Variants in LMOD2 observed in about 807,000 individuals in gnomAD.
LMOD2 encodes the protein leiomodin-2.
Under a neutral mutation model 41.7 loss-of-function variants are expected in LMOD2, and 27 were observed. The ratio of observed to expected loss-of-function variants is 0.65; its 90% CI spans 0.48 to 0.89. LMOD2 has a LOEUF of 0.89. LMOD2 is among the 40% of genes least tolerant of loss of function. The pLI is 0.00. For missense variants in LMOD2, 624 were observed against 667.9 expected (o/e 0.93, Z 0.72); for synonymous variants, 251 against 244.6 (o/e 1.03, Z -0.25).
At chr7:123,656,895 G>A (rs1177102472) in intron 1 of LMOD2, among the ~76,000 whole-genome samples, 1 of 152,142 alleles carries the variant, frequency 6.6e-6, no homozygotes, top group African/African-American at 2.4e-5. Context: ...GAACCCCTTT[G>A]AGATTTTGAT....
intron 1 of LMOD2, among the ~76,000 whole-genome samples, chr7:123,658,930 C>T (rs375907226): frequency 4.6e-5 from 7 of 152,150 alleles, no homozygotes; most frequent in East Asian, 3.9e-4. Context: ...TTAAGAACCG[C>T]TCAACTACAG....
At chr7:123,661,810 A>T (rs1802877559) in intron 1 of LMOD2, 50 bp from the exon 2 acceptor site, 13 of 1,258,958 alleles carry the variant, frequency 1.0e-5, no homozygotes, top group Non-Finnish European at 1.4e-5. Context: ...AAATGTACTT[A>T]AAAATGGTAT....
At chr7:123,656,317 T>G in intron 1 of LMOD2, 81 bp downstream of exon 1, 1 of 1,393,764 alleles carries the variant, frequency 7.2e-7, no homozygotes, top group Admixed American at 2.5e-5. Context: ...TTTCCCTAAC[T>G]TCTCAATCCT....
rs1315906109 is a variant in LMOD2 at position 123,661,861 on chromosome 7, T to C, written c.275T>C (p.Val92Ala). Residue 92 changes from valine (V) to alanine (A), a missense_variant and splice_region_variant, in exon 2 of 3, where the codon GTT (valine) becomes GCT (alanine). Physicochemically the swap from Val to Ala is moderately conservative, Grantham distance 64 (BLOSUM62 0). Coordinates refer to ENST00000458573, the MANE Select transcript of LMOD2 (RefSeq NM_207163.3). Reference sequence around the variant, plus strand: ...TAATGATGATATCATACTCTTTAGGTTGCAGAAGACAAAGAGGAAAGTGAA... The same window carrying C: ...TAATGATGATATCATACTCTTTAGGCTGCAGAAGACAAAGAGGAAAGTGAA... The part of the protein sequence containing the change: ...EKERLGECGK[V>A]AEDKEESEEE... 3 of 1,508,812 alleles carry C rather than the reference T, an allele frequency of 2.0e-6. No individual in the cohort carries two copies. Among genetic ancestry groups the C allele is most frequent in the East Asian group, 4.9e-5 (2 of 40,578 alleles). 93.5% of individuals were successfully genotyped at this position (1,508,812 alleles called of 1,614,324 possible). A position where few individuals can be genotyped will look rare whatever the true frequency, so the allele number is the denominator to read the frequency against.
intron 1 of LMOD2, among the ~76,000 whole-genome samples, chr7:123,656,666 G>A (rs543538737): frequency 6.6e-6 from 1 of 152,264 alleles, no homozygotes; most frequent in South Asian, 2.1e-4. Flanking sequence ...TGGGAACGCT[G>A]GTTGCTTTGA....
At position 123,656,126 on chromosome 7, in the gene LMOD2, C is replaced by G. The variant is rs1340216509; in HGVS notation, c.163C>G (p.Leu55Val). 6.2e-7 allele frequency: 1 copy of G among 1,610,374 alleles called. No homozygotes were observed. Among genetic ancestry groups the G allele is most frequent in the Non-Finnish European group, 8.5e-7 (1 of 1,178,382 alleles). ...NLPVGLRQKS[L>V]TEKTPTGTFS... The stretch of plus-strand genomic sequence containing the variant: ...TCCCGTGGGGCTAAGGCAAAAGAGC[C>G]TGACAGAGAAAACCCCCACAGGGAC... The change falls in exon 1 of 3, where the codon CTG (leucine) becomes GTG (valine). Residue 55 changes from leucine to valine, a missense_variant. Leu to Val is a conservative substitution (Grantham distance 32). Coordinates refer to ENST00000458573, the MANE Select transcript of LMOD2 (RefSeq NM_207163.3).
rs766122492 is a variant in LMOD2 at position 123,662,254 on chromosome 7, A to G, written c.668A>G (p.Asn223Ser). ...TTEVNLNNIE[N>S]ITTQTLTRFA... is the part of the protein sequence containing the mutation. ...GAAGTCAATTTGAACAACATTGAGAACATCACAACACAGACCCTTACCCGC... is the reference window on the plus strand; with the variant it reads ...GAAGTCAATTTGAACAACATTGAGAGCATCACAACACAGACCCTTACCCGC... The change falls in exon 2 of 3, where the codon AAC becomes AGC. Residue 223 changes from asparagine to serine, a missense_variant. Transcript: ENST00000458573. This position sits in a 1 kb window ranked among gnomAD's most constrained non-coding sequence, Gnocchi z 4.0. 1.9e-6 allele frequency: 3 copies of G among 1,613,910 alleles called. No individual in the cohort carries two copies. The highest frequency in any genetic ancestry group is 2.7e-5 in the African/African-American group (2 of 74,928).
chr7:123,657,991 T>TAA (rs10693592), intron 1 of LMOD2, among the ~76,000 whole-genome samples: 35,786 of 89,876 alleles, frequency 0.4, 6,891 homozygotes, highest in South Asian at 0.59. Context: ...CTTGTCTCAT[T>TAA]AAAAAAAAAA....
rs546515372 is a variant in LMOD2, at chr7:123,661,944, G to A, written c.358G>A (p.Glu120Lys). The A allele has an allele frequency of 6.4e-7, 1 of 1,554,998 alleles. No homozygotes were observed. The highest frequency in any genetic ancestry group is 8.7e-7 in the Non-Finnish European group (1 of 1,148,374). Residue 120 changes from glutamate (E) to lysine (K), a missense_variant, in exon 2 of 3, where the codon GAG becomes AAG. Glu to Lys is a moderately conservative substitution (Grantham distance 56, BLOSUM62 1). Coordinates refer to ENST00000458573, the MANE Select transcript of LMOD2 (RefSeq NM_207163.3). ...SEVSEEVYTE[E>K]EEEESQEEEE... The stretch of plus-strand genomic sequence containing the variant: ...GGTTTCTGAGGAAGTGTATACAGAG[G>A]AGGAGGAGGAGGAGTCCCAGGAGGA...
intron 1 of LMOD2, among the ~76,000 whole-genome samples, chr7:123,659,654 G>C (rs1033492922): frequency 1.1e-4 from 16 of 152,184 alleles, no homozygotes; most frequent in African/African-American, 3.6e-4. Context: ...GCTAAGCACT[G>C]TGCTAGGTGA....
At position 123,662,342 on chromosome 7, in the gene LMOD2, C is replaced by T. The variant is rs573835086; in HGVS notation, c.756C>T (p.Ala252=). 2.2e-5 allele frequency: 36 copies of T among 1,613,894 alleles called. No individual in the cohort carries two copies. The highest frequency in any genetic ancestry group is 1.6e-4 in the Middle Eastern group (1 of 6,084). The part of the protein sequence containing the change: ...VKTFSLANTH[A]DDSAAMAIAE... Reference sequence around the variant, plus strand: ...CGTTCAGTCTGGCCAACACGCATGCCGACGACAGTGCAGCCATGGCCATTG... The same window carrying T: ...CGTTCAGTCTGGCCAACACGCATGCTGACGACAGTGCAGCCATGGCCATTG... Residue 252 remains alanine, a synonymous_variant, in exon 2 of 3, where the codon GCC becomes GCT. Transcript: ENST00000458573. The surrounding 1 kb of genome is among the most constrained non-coding windows in gnomAD (Gnocchi z 4.0).
Position 123,662,752 on chromosome 7 carries a change from C to A in LMOD2, c.1166C>A (p.Pro389His). Reference sequence around the variant, plus strand: ...CAAAGAGGAACACCTAGCTCTTCACCTTATGTATCTCCCAGGCACTCACCC... The same window carrying A: ...CAAAGAGGAACACCTAGCTCTTCACATTATGTATCTCCCAGGCACTCACCC... ...VWQRGTPSSS[P>H]YVSPRHSPWS... is the part of the protein sequence containing the mutation. Residue 389 changes from proline (P) to histidine (H), a missense_variant, in exon 2 of 3, where the codon CCT becomes CAT. Pro to His is a moderately conservative substitution (Grantham distance 77). Transcript: ENST00000458573. The surrounding 1 kb of genome is among the most constrained non-coding windows in gnomAD (Gnocchi z 4.0). The A allele has an allele frequency of 6.2e-7, 1 of 1,613,986 alleles. No individual in the cohort carries two copies. The highest frequency in any genetic ancestry group is 1.3e-5 in the African/African-American group (1 of 75,036).
At chr7:123,658,548 C>A (rs1045265045) in intron 1 of LMOD2, among the ~76,000 whole-genome samples, 6 of 152,230 alleles carry the variant, frequency 3.9e-5, no homozygotes, top group Admixed American at 6.5e-5. Flanking sequence ...CTTACACAAA[C>A]TTATGCCGCA....
rs201276725 is a variant in LMOD2, at chr7:123,663,123, C to T, written c.1537C>T (p.Arg513Ter). 7.7e-6 allele frequency: 12 copies of T among 1,565,848 alleles called. No homozygotes were observed. Among genetic ancestry groups the T allele is most frequent in the Admixed American group, 3.8e-5 (2 of 52,480 alleles). ...AGAGAAGAAAATGGAAGACAGTTCC[C>T]GACCTTCTACCCCACAGAGATCAGC... ...VQEKKMEDSSRPSTPQRSAHE... is the reference protein window; with the variant it reads ...VQEKKMEDSS The change falls in exon 2 of 3, where the codon CGA (arginine) becomes TGA (stop). Residue 513 changes from arginine (R) to a stop codon, truncating the protein, a stop_gained. Transcript: ENST00000458573. LOFTEE classifies it high-confidence loss of function.
intron 1 of LMOD2, among the ~76,000 whole-genome samples, chr7:123,658,664 A>C (rs1360302888): frequency 6.6e-6 from 1 of 152,180 alleles, no homozygotes; most frequent in East Asian, 1.9e-4. Flanking sequence ...ATCTCACTTC[A>C]TTTTTAACTT....
intron 1 of LMOD2, among the ~76,000 whole-genome samples, chr7:123,659,734 AG>A (rs1287806285): frequency 2.0e-5 from 3 of 152,190 alleles, no homozygotes; most frequent in African/African-American, 7.2e-5. Flanking sequence ...ACCAAAATAA[AG>A]TGCGACAGGT....
intron 1 of LMOD2, among the ~76,000 whole-genome samples, chr7:123,657,417 T>C (rs1281257463): frequency 2.0e-5 from 3 of 152,100 alleles, no homozygotes; most frequent in Non-Finnish European, 1.5e-5. Flanking sequence ...TTGGCCACAA[T>C]TGCAGCAAGA....
In LMOD2 at chr7:123,663,552, C is replaced by T. The variant is rs1178665589; in HGVS notation, c.1618-167C>T. ...TTTTACCACAGAGTTGTGACTGATTCGATACCTAATTTATAACATAAAATT... is the reference window on the plus strand; with the variant it reads ...TTTTACCACAGAGTTGTGACTGATTTGATACCTAATTTATAACATAAAATT... On this transcript the variant is annotated intron_variant, in intron 2 of 2. Coordinates refer to ENST00000458573, the MANE Select transcript of LMOD2 (RefSeq NM_207163.3). The T allele has an allele frequency of 1.4e-5, 9 of 648,704 alleles. No individual in the cohort carries two copies. In the Admixed American group the frequency reaches 1.7e-4, roughly 12 times the overall value. The allele number at this position is 648,704 out of a possible 1,614,324, so 40.2% of individuals were successfully genotyped here. A position where few individuals can be genotyped will look rare whatever the true frequency, so the allele number is the denominator to read the frequency against.
rs761496581 is a variant in LMOD2 at position 123,663,201 on chromosome 7, C to G, written c.1615C>G (p.Arg539Gly). ...IRGSSIKQLK[R>G]VEVPEALR ...GGGAAGCAGCATAAAACAGCTAAAG[C>G]GGGTAAGTAACCAGAGAACAGACAT... Residue 539 changes from arginine to glycine, a missense_variant and splice_region_variant, in exon 2 of 3, where the codon CGG (arginine) becomes GGG (glycine). Transcript: ENST00000458573. 3.8e-6 allele frequency: 6 copies of G among 1,562,284 alleles called. No homozygotes were observed. Among genetic ancestry groups the G allele is most frequent in the Non-Finnish European group, 5.2e-6 (6 of 1,153,608 alleles).
Sources: allele counts gnomAD v4.1 joint callset (sites outside exome capture counted in the v4.1 genomes callset), GRCh38; gene constraint gnomAD v4.1.1; non-coding constraint Gnocchi (gnomAD v3.1); transcripts MANE v1.5; gene names NCBI Gene and HGNC (gene_info 2026-07-23, HGNC 2026-07-21).